PTPRD: variants seen among roughly 807,000 people sequenced by gnomAD.
PTPRD encodes protein tyrosine phosphatase receptor type D.
PTPRD carries 34 observed loss-of-function variants against 214.5 expected under a neutral mutation model. That is an observed-to-expected ratio of 0.16 (90% CI 0.12 to 0.21). PTPRD has a LOEUF of 0.21. Ranked by LOEUF, PTPRD falls within the 10% of genes least tolerant of loss-of-function variation. PTPRD has a pLI of 1.00. For missense variants in PTPRD, 2,545 were observed against 2,398.7 expected (o/e 1.06, Z -1.27); for synonymous variants, 1,128 against 845.7 (o/e 1.33, Z -5.79).
At chr9:10,035,849 T>C (rs1183124209) in intron 3 of PTPRD, among the ~76,000 whole-genome samples, 3 of 151,872 alleles carry the variant, frequency 2.0e-5, no homozygotes, top group African/African-American at 7.3e-5. Context: ...CATGAAAAGA[T>C]AAGTGAGTAA....
intron 12 of PTPRD, among the ~76,000 whole-genome samples, chr9:8,721,766 C>T (rs973560717): frequency 2.0e-5 from 3 of 152,208 alleles, no homozygotes; most frequent in African/African-American, 7.2e-5. Context: ...AGATATTACA[C>T]AGAACTACGA....
Position 8,755,907 on chromosome 9 carries a change from A to G in PTPRD, c.-103-21961T>C, listed in dbSNP as rs570826240. ...TAACTAGCCTCTAATAAATTTGCTT[A>G]TCTGAAAATACAGCAATATGTAATA... On this transcript the variant is annotated intron_variant, in intron 11 of 45. Coordinates refer to ENST00000381196, the MANE Select transcript of PTPRD (RefSeq NM_002839.4). Among the ~76,000 whole-genome samples, 3 of 152,350 alleles carry G rather than the reference A, an allele frequency of 2.0e-5. No individual in the cohort carries two copies. In the East Asian group the frequency reaches 5.8e-4, roughly 29 times the overall value.
chr9:8,746,725 G>A lies in PTPRD; in HGVS notation c.-103-12779C>T, dbSNP rs903445592. On this transcript the variant is annotated intron_variant, in intron 11 of 45. Coordinates refer to ENST00000381196, the MANE Select transcript of PTPRD (RefSeq NM_002839.4). The stretch of plus-strand genomic sequence containing the variant: ...ACTTCTCTGCTGGGTCAGGCACGAT[G>A]CCTCATGCCTGTAATCCCAGTGCTT... Among the ~76,000 whole-genome samples the A allele has an allele frequency of 7.2e-5, 11 of 152,306 alleles. No individual in the cohort carries two copies. In the South Asian group the frequency reaches 1.9e-3, roughly 26 times the overall value.
intron 9 of PTPRD, among the ~76,000 whole-genome samples, chr9:9,205,341 T>C (rs1172138675): frequency 6.6e-6 from 1 of 152,138 alleles, no homozygotes; most frequent in African/African-American, 2.4e-5. Flanking sequence ...CTTCACCAGT[T>C]CACATTTAAC....
At chr9:9,856,843 G>A (rs1599905153) in intron 5 of PTPRD, among the ~76,000 whole-genome samples, 1 of 152,108 alleles carries the variant, frequency 6.6e-6, no homozygotes, top group African/African-American at 2.4e-5. Context: ...CTATTGATAA[G>A]TGAGCTGAGA....
At chr9:10,083,625 TCA>T (rs2098278878) in intron 3 of PTPRD, among the ~76,000 whole-genome samples, 1 of 151,956 alleles carries the variant, frequency 6.6e-6, no homozygotes, top group South Asian at 2.1e-4. Context: ...GAAGAAGCCC[TCA>T]CAGCCAACAG....
chr9:9,919,294 A>G (rs368829924), intron 5 of PTPRD, among the ~76,000 whole-genome samples: 25 of 152,170 alleles, frequency 1.6e-4, no homozygotes, highest in African/African-American at 6.0e-4. Context: ...CTCTGAGTCA[A>G]TTCCATTGAG....
chr9:10,108,998 G>C (rs971820744), intron 3 of PTPRD, among the ~76,000 whole-genome samples: 3 of 151,992 alleles, frequency 2.0e-5, no homozygotes, highest in Non-Finnish European at 2.9e-5. Context: ...ACTAGGACTA[G>C]CATATCATTT....
At chr9:8,703,668 G>A (rs73427536) in intron 12 of PTPRD, among the ~76,000 whole-genome samples, 8 of 152,022 alleles carry the variant, frequency 5.3e-5, no homozygotes, top group African/African-American at 1.4e-4. Context: ...CCAAAGCTTG[G>A]GTCTTGAACC....
intron 10 of PTPRD, among the ~76,000 whole-genome samples, chr9:9,125,274 C>T (rs2099827615): frequency 6.6e-6 from 1 of 152,122 alleles, no homozygotes; most frequent in Non-Finnish European, 1.5e-5. Flanking sequence ...AGCCAAACTT[C>T]CTGTCATGGG....
chr9:8,734,721 G>C (rs1351403273), intron 11 of PTPRD, among the ~76,000 whole-genome samples: 1 of 152,166 alleles, frequency 6.6e-6, no homozygotes, highest in Admixed American at 6.5e-5. Flanking sequence ...GATGAGTCAG[G>C]TTCTATTATT....
intron 5 of PTPRD, among the ~76,000 whole-genome samples, chr9:9,889,791 GTGTGTGTGTGTGTGTGTGTGTA>G (rs1280311742): frequency 2.2e-5 from 3 of 136,974 alleles, no homozygotes; most frequent in Non-Finnish European, 4.7e-5. Flanking sequence ...CCTGCTGAGT[GTGTGTGTGTGTGTGTGTGTGTA>G]TGTGTGTGTG....
At chr9:10,411,672 T>C (rs1000096032) in intron 2 of PTPRD, among the ~76,000 whole-genome samples, 11 of 151,964 alleles carry the variant, frequency 7.2e-5, no homozygotes, top group African/African-American at 2.6e-4. Flanking sequence ...TATTTGATTT[T>C]TTTTACTTAT....
At chr9:9,281,251 A>T (rs906076849) in intron 9 of PTPRD, among the ~76,000 whole-genome samples, 1 of 151,208 alleles carries the variant, frequency 6.6e-6, no homozygotes, top group Non-Finnish European at 1.5e-5. Flanking sequence ...AATAATTGAT[A>T]GTCTGGGCCT....
At chr9:9,436,846 T>C (rs762076196) in intron 8 of PTPRD, among the ~76,000 whole-genome samples, 5 of 151,796 alleles carry the variant, frequency 3.3e-5, no homozygotes, top group Admixed American at 6.6e-5. Flanking sequence ...AGGCTGGTGT[T>C]ATCTGTCTCT....
chr9:9,291,613 G>A (rs954797901), intron 9 of PTPRD, among the ~76,000 whole-genome samples: 2 of 151,140 alleles, frequency 1.3e-5, no homozygotes, highest in Non-Finnish European at 3.0e-5. Flanking sequence ...ATTACAGTAA[G>A]CAACTATAAA....
intron 5 of PTPRD, among the ~76,000 whole-genome samples, chr9:9,905,283 T>A (rs529068330): frequency 6.6e-6 from 1 of 151,992 alleles, no homozygotes; most frequent in Non-Finnish European, 1.5e-5. Context: ...TTATTGAAAG[T>A]CAGGGTTCTT....
At chr9:10,016,747 C>T (rs12339572) in intron 4 of PTPRD, among the ~76,000 whole-genome samples, 66,151 of 151,166 alleles carry the variant, frequency 0.44, 16,572 homozygotes, top group Middle Eastern at 0.62. Context: ...TCACTGCATC[C>T]TCGATCTCTT....
chr9:8,863,262 G>A (rs1457669927), intron 11 of PTPRD, among the ~76,000 whole-genome samples: 1 of 151,974 alleles, frequency 6.6e-6, no homozygotes, highest in Non-Finnish European at 1.5e-5. Context: ...TACTGGCTCT[G>A]CTACTGGAGA....
Sources: gnomAD v4.1 joint callset for allele counts (sites outside exome capture counted in the v4.1 genomes callset) on GRCh38, gnomAD v4.1.1 for gene constraint, MANE v1.5 for transcripts, NCBI Gene and HGNC (gene_info 2026-07-23, HGNC 2026-07-21) for gene names.